The following NFIA variants were observed in gnomAD, a reference collection of about 807,000 sequenced individuals.
NFIA encodes nuclear factor 1 A-type.
NFIA carries 8 observed loss-of-function variants against 62.8 expected under a neutral mutation model. The ratio of observed to expected loss-of-function variants is 0.13; its 90% confidence interval spans 0.07 to 0.23. The LOEUF (loss-of-function observed/expected upper bound fraction) is 0.23, where lower values mean the gene tolerates loss of function less well. Ranked by LOEUF, NFIA falls within the 10% of genes least tolerant of loss-of-function variation. NFIA has a pLI of 1.00. For missense variants in NFIA, 410 were observed against 642.1 expected (o/e 0.64, Z 3.91); for synonymous variants, 235 against 238.1 (o/e 0.99, Z 0.12).
chr1:61,374,657 A>G (rs549851988), intron 6 of NFIA, among the ~76,000 whole-genome samples: 37 of 152,188 alleles, frequency 2.4e-4, no homozygotes, highest in African/African-American at 8.7e-4. Context: ...CCATACTCCC[A>G]TTTTTTAAAA....
chr1:61,103,898 G>A (rs1019442623), intron 2 of NFIA, among the ~76,000 whole-genome samples: 3 of 152,108 alleles, frequency 2.0e-5, no homozygotes, highest in African/African-American at 7.2e-5. Flanking sequence ...AAGGTCTGAT[G>A]ATGCTAGACA....
intron 2 of NFIA, among the ~76,000 whole-genome samples, chr1:61,263,893 G>A (rs1425344084): frequency 6.6e-6 from 1 of 152,102 alleles, no homozygotes; most frequent in African/African-American, 2.4e-5. Flanking sequence ...ACGAGGCTGA[G>A]GCAGGAGAAT....
chr1:61,168,248 C>G (rs756052239), intron 2 of NFIA, among the ~76,000 whole-genome samples: 1 of 152,062 alleles, frequency 6.6e-6, no homozygotes, highest in African/African-American at 2.4e-5. Context: ...TTTTAAAAAC[C>G]ACTGCTTCTG....
intron 4 of NFIA, among the ~76,000 whole-genome samples, chr1:61,349,190 A>G (rs1386630949): frequency 6.6e-6 from 1 of 152,204 alleles, no homozygotes; most frequent in Non-Finnish European, 1.5e-5. Context: ...TATCAGAATT[A>G]TTAATTAGAA....
At chr1:61,297,038 A>G (rs181182088) in intron 3 of NFIA, among the ~76,000 whole-genome samples, 144 of 152,298 alleles carry the variant, frequency 9.5e-4, no homozygotes, top group African/African-American at 3.4e-3. Context: ...CTTTTGTTAA[A>G]TCGTTCATTT....
At chr1:61,372,513 T>G (rs775671747) in intron 6 of NFIA, among the ~76,000 whole-genome samples, 5 of 151,938 alleles carry the variant, frequency 3.3e-5, no homozygotes, top group African/African-American at 4.8e-5. Context: ...CTGTTGAATG[T>G]AGCATTAATC....
intron 3 of NFIA, among the ~76,000 whole-genome samples, chr1:61,291,314 T>G (rs1658866602): frequency 2.0e-5 from 3 of 152,316 alleles, no homozygotes; most frequent in Admixed American, 1.3e-4. Context: ...AGTAGGAGAC[T>G]CAGGTGGTAC....
At chr1:61,328,104 AT>A (rs59499733) in intron 3 of NFIA, among the ~76,000 whole-genome samples, 216 of 148,298 alleles carry the variant, frequency 1.5e-3, no homozygotes, top group Middle Eastern at 3.5e-3. Flanking sequence ...TTTTGCTGGG[AT>A]TTTTTTTTTT....
At chr1:61,405,064 A>G (rs1182838087) in intron 8 of NFIA, among the ~76,000 whole-genome samples, 2 of 152,216 alleles carry the variant, frequency 1.3e-5, no homozygotes, top group African/African-American at 4.8e-5. Flanking sequence ...TTTTCTACTA[A>G]TAACTGTGCA....
At chr1:61,171,414 T>A (rs187480971) in intron 2 of NFIA, among the ~76,000 whole-genome samples, 5 of 152,338 alleles carry the variant, frequency 3.3e-5, no homozygotes, top group African/African-American at 4.8e-5. Context: ...AACATAATTA[T>A]GAAATATTTT....
At chr1:61,142,104 A>T (rs984900538) in intron 2 of NFIA, among the ~76,000 whole-genome samples, 2 of 152,214 alleles carry the variant, frequency 1.3e-5, no homozygotes, top group African/African-American at 4.8e-5. Flanking sequence ...CTTAAAAAAA[A>T]AAAATTGTGC....
chr1:61,224,763 A>G (rs1043585515), intron 2 of NFIA, among the ~76,000 whole-genome samples: 2 of 152,192 alleles, frequency 1.3e-5, no homozygotes, highest in African/African-American at 4.8e-5. Context: ...TAAGTACTTC[A>G]AACTGTGTCC....
At chr1:61,302,205 A>T (rs1303106522) in intron 3 of NFIA, among the ~76,000 whole-genome samples, 5 of 152,126 alleles carry the variant, frequency 3.3e-5, no homozygotes, top group Non-Finnish European at 5.9e-5. Flanking sequence ...AATGCTCCGG[A>T]TGGGTACTCT....
chr1:61,077,994 T>A (rs1646053083), upstream of NFIA, among the ~76,000 whole-genome samples: 1 of 152,010 alleles, frequency 6.6e-6, no homozygotes, highest in African/African-American at 2.4e-5. Context: ...GCCTCAGCAG[T>A]CAACCTAACC....
At chr1:61,309,420 G>C (rs1328429299) in intron 3 of NFIA, among the ~76,000 whole-genome samples, 1 of 151,518 alleles carries the variant, frequency 6.6e-6, no homozygotes, top group Non-Finnish European at 1.5e-5. Flanking sequence ...CATGTTTCTG[G>C]ACATATTTTA....
In NFIA at chr1:61,144,233, C is replaced by T. The variant is rs578080464; in HGVS notation, c.559+55553C>T. On this transcript the variant is annotated intron_variant, in intron 2 of 10. Coordinates refer to ENST00000403491, the MANE Select transcript of NFIA (RefSeq NM_001134673.4). ...CAGTGCAAATGTTGGTCCCCACCCC[C>T]GACTTACTCAGTGAGAAGCTCTAGG... is the stretch of plus-strand genomic sequence containing the variant. Among the ~76,000 whole-genome samples the T allele has an allele frequency of 2.8e-4, 42 of 152,300 alleles. No homozygotes were observed. In the South Asian group the frequency reaches 5.2e-3, roughly 19 times the overall value.
At chr1:61,272,479 AC>A (rs1657571970) in intron 2 of NFIA, among the ~76,000 whole-genome samples, 2 of 152,212 alleles carry the variant, frequency 1.3e-5, no homozygotes, top group African/African-American at 4.8e-5. Context: ...AACTTATGGT[AC>A]TGGCTGATCA....
intron 2 of NFIA, among the ~76,000 whole-genome samples, chr1:61,134,194 G>T (rs1222774679): frequency 6.6e-6 from 1 of 151,768 alleles, no homozygotes; most frequent in African/African-American, 2.4e-5. Flanking sequence ...ATATCTGAGG[G>T]ATACAAAAAT....
chr1:61,247,041 G>A (rs566662074), intron 2 of NFIA, among the ~76,000 whole-genome samples: 1 of 152,232 alleles, frequency 6.6e-6, no homozygotes, highest in East Asian at 1.9e-4. Flanking sequence ...GATAAGTTTT[G>A]TAAGCATTAA....
Sources: gnomAD v4.1 joint callset for allele counts (sites outside exome capture counted in the v4.1 genomes callset) on GRCh38, gnomAD v4.1.1 for gene constraint, MANE v1.5 for transcripts, NCBI Gene and HGNC (gene_info 2026-07-23, HGNC 2026-07-21) for gene names.